The following MITF variants were observed in gnomAD, a reference collection of about 807,000 sequenced individuals.
MITF encodes the protein microphthalmia-associated transcription factor.
MITF carries 17 observed loss-of-function variants against 60.5 expected under a neutral mutation model. The ratio of observed to expected loss-of-function variants is 0.28; its 90% CI spans 0.19 to 0.42. The LOEUF (loss-of-function observed/expected upper bound fraction) is 0.42, where lower values mean the gene tolerates loss of function less well. MITF is among the 10% of genes least tolerant of loss of function. MITF has a pLI of 1.00. For missense variants in MITF, 622 were observed against 683.5 expected (o/e 0.91, Z 1.00); for synonymous variants, 260 against 248.5 (o/e 1.05, Z -0.43).
At chr3:69,912,349 T>G (rs563189248) in intron 2 of MITF, among the ~76,000 whole-genome samples, 268 of 152,004 alleles carry the variant, frequency 1.8e-3, no homozygotes, top group African/African-American at 5.9e-3. Context: ...ATATTTTTGG[T>G]TTTTTTTCAT....
intron 1 of MITF, among the ~76,000 whole-genome samples, chr3:69,872,973 G>A (rs911512563): frequency 6.6e-6 from 1 of 152,116 alleles, no homozygotes; most frequent in African/African-American, 2.4e-5. Flanking sequence ...ATTTGCGTGG[G>A]GCATGAGGCT....
At chr3:69,747,600 A>G (rs1213743177) in intron 1 of MITF, among the ~76,000 whole-genome samples, 1 of 152,270 alleles carries the variant, frequency 6.6e-6, no homozygotes, top group Admixed American at 6.5e-5. Flanking sequence ...ACTGAAGTTA[A>G]CATATGAATA....
At chr3:69,836,326 T>G (rs996070831) in intron 1 of MITF, among the ~76,000 whole-genome samples, 1 of 152,216 alleles carries the variant, frequency 6.6e-6, no homozygotes, top group African/African-American at 2.4e-5. Context: ...GATTTTTGTA[T>G]CCTGCAACAT....
Position 69,868,777 on chromosome 3 carries a change from T to G in MITF, c.105-10357T>G, listed in dbSNP as rs115206728. Among the ~76,000 whole-genome samples, 298 of 151,596 alleles carry G rather than the reference T, an allele frequency of 2.0e-3. 2 individuals are homozygous for G. The Middle Eastern group carries it at 0.02, about 10-fold the overall frequency. On this transcript the variant is annotated intron_variant, in intron 1 of 9. Transcript: ENST00000352241. ...AGCCAGGCATGGTGTCCCGGGCCTA[T>G]AAACCCAGCTACTATGGAGGCTGAG...
chr3:69,820,433 C>A (rs1229016521), intron 1 of MITF, among the ~76,000 whole-genome samples: 2 of 151,398 alleles, frequency 1.3e-5, no homozygotes, highest in East Asian at 1.9e-4. Flanking sequence ...TAGTAACTTA[C>A]AGTTTAAATG....
At chr3:69,812,337 A>G (rs2063114244) in intron 1 of MITF, among the ~76,000 whole-genome samples, 1 of 152,148 alleles carries the variant, frequency 6.6e-6, no homozygotes, top group Non-Finnish European at 1.5e-5. Flanking sequence ...TGCCTTGAAA[A>G]GGTAAAATGG....
At chr3:69,822,876 T>A (rs557750622) in intron 1 of MITF, among the ~76,000 whole-genome samples, 1 of 152,072 alleles carries the variant, frequency 6.6e-6, no homozygotes, top group South Asian at 2.1e-4. Context: ...TAGTTTGGTG[T>A]TTCCAAGGTT....
At chr3:69,895,942 A>G (rs1345144063) in intron 2 of MITF, among the ~76,000 whole-genome samples, 4 of 151,548 alleles carry the variant, frequency 2.6e-5, no homozygotes, top group African/African-American at 9.7e-5. Flanking sequence ...GAATACCTCT[A>G]TAGATGCTAA....
At chr3:69,770,173 A>G (rs1425996906) in intron 1 of MITF, among the ~76,000 whole-genome samples, 1 of 152,172 alleles carries the variant, frequency 6.6e-6, no homozygotes, top group African/African-American at 2.4e-5. Flanking sequence ...TCTACCTCCT[A>G]ATTCCTTCTC....
intron 1 of MITF, among the ~76,000 whole-genome samples, chr3:69,803,185 A>G (rs770673215): frequency 1.2e-4 from 18 of 152,242 alleles, no homozygotes; most frequent in Non-Finnish European, 2.1e-4. Flanking sequence ...ATGCTTCAGT[A>G]TACAAAAGTC....
Position 69,967,025 on chromosome 3 carries a change from T to A in MITF, c.*1777T>A, listed in dbSNP as rs2066705370. 4.3e-6 allele frequency: 1 copy of A among 232,214 alleles called. No homozygotes were observed. The highest frequency in any genetic ancestry group is 8.5e-6 in the Non-Finnish European group (1 of 117,196). The allele number at this position is 232,214 out of a possible 1,614,324, so 14.4% of individuals were successfully genotyped here. On this transcript the variant is annotated 3_prime_UTR_variant, in exon 10 of 10. Transcript: ENST00000352241. ...ATTTTAGTGACAGAGTGCCAACTTC[T>A]TTCATCAGGAAACCTTATTCAGGAG... is the stretch of plus-strand genomic sequence containing the variant.
At chr3:69,904,005 A>G (rs1416135802) in intron 2 of MITF, among the ~76,000 whole-genome samples, 2 of 152,162 alleles carry the variant, frequency 1.3e-5, no homozygotes, top group African/African-American at 4.8e-5. Context: ...AATGGTAAGC[A>G]CTCAACACAT....
chr3:69,831,496 G>A (rs750046746), intron 1 of MITF, among the ~76,000 whole-genome samples: 1 of 151,914 alleles, frequency 6.6e-6, no homozygotes, highest in African/African-American at 2.4e-5. Context: ...CAATTTTTTT[G>A]TTTGACTAGA....
chr3:69,832,843 G>GT (rs1358006225), intron 1 of MITF, among the ~76,000 whole-genome samples: 1 of 151,972 alleles, frequency 6.6e-6, no homozygotes, highest in Non-Finnish European at 1.5e-5. Flanking sequence ...TATGTGCACT[G>GT]TATGTAGTTG....
Position 69,912,373 on chromosome 3 carries a change from A to G in MITF, c.355-25449A>G, listed in dbSNP as rs542442279. Among the ~76,000 whole-genome samples the G allele has an allele frequency of 2.6e-5, 4 of 152,330 alleles. No homozygotes were observed. In the South Asian group the frequency reaches 8.3e-4, roughly 32 times the overall value. On this transcript the variant is annotated intron_variant, in intron 2 of 9. Coordinates refer to ENST00000352241, the MANE Select transcript of MITF (RefSeq NM_001354604.2). ...GTTTTTTTTCATTCTGGGAGACAGA[A>G]CAATGACTATTCTATCATTTACCAC... is the stretch of plus-strand genomic sequence containing the variant.
At chr3:69,744,956 T>G (rs544890709) in intron 1 of MITF, among the ~76,000 whole-genome samples, 4 of 152,206 alleles carry the variant, frequency 2.6e-5, no homozygotes, top group Non-Finnish European at 5.9e-5. Flanking sequence ...ATGGGTCACA[T>G]TTATTGAGTA....
chr3:69,811,006 A>G (rs2063092461), intron 1 of MITF, among the ~76,000 whole-genome samples: 1 of 152,192 alleles, frequency 6.6e-6, no homozygotes, highest in Admixed American at 6.5e-5. Flanking sequence ...GAGATGTTGA[A>G]GAAGTTCTGT....
chr3:69,820,622 G>A (rs1412023868), intron 1 of MITF, among the ~76,000 whole-genome samples: 1 of 152,162 alleles, frequency 6.6e-6, no homozygotes, highest in African/African-American at 2.4e-5. Context: ...AAACTTCTTT[G>A]TAAACCTAGG....
In MITF at chr3:69,774,320, C is replaced by T. The variant is rs138174620; in HGVS notation, c.104+34619C>T. On this transcript the variant is annotated intron_variant, in intron 1 of 9. Transcript: ENST00000352241. Reference sequence around the variant, plus strand: ...TCTTATTAGAAGATGGTTTAGGGACCGTCTTTTATTATTCAAGAATGTCCT... The same window carrying T: ...TCTTATTAGAAGATGGTTTAGGGACTGTCTTTTATTATTCAAGAATGTCCT... Among the ~76,000 whole-genome samples, 202 of 152,212 alleles carry T rather than the reference C, an allele frequency of 1.3e-3. 3 individuals carry two copies. Among genetic ancestry groups the T allele is most frequent in the African/African-American group, 4.5e-3 (187 of 41,530 alleles).
Sources: allele counts gnomAD v4.1 joint callset (sites outside exome capture counted in the v4.1 genomes callset), GRCh38; gene constraint gnomAD v4.1.1; transcripts MANE v1.5; gene names NCBI Gene and HGNC (gene_info 2026-07-23, HGNC 2026-07-21).